PKHD1L1: variants seen among roughly 807,000 people sequenced by gnomAD.
PKHD1L1 encodes fibrocystin-L.
In PKHD1L1, 434 loss-of-function variants were observed where a neutral mutation model predicts 462.9. That is an observed-to-expected ratio of 0.94 (90% CI 0.87 to 1.02). The LOEUF (loss-of-function observed/expected upper bound fraction) is 1.02. Among genes scored for constraint, PKHD1L1 ranks in the 50% least tolerant of loss-of-function variants. The pLI, the probability that PKHD1L1 is intolerant of heterozygous loss-of-function variation, is 0.00. For synonymous variants in PKHD1L1, 1,781 were observed against 1,750.0 expected, an observed-to-expected ratio of 1.02 and a Z score of -0.44; for missense variants, 5,202 against 5,096.1, an observed-to-expected ratio of 1.02 and a Z score of -0.63.
chr8:109,379,526 T>TG (rs1812004565), intron 2 of PKHD1L1, among the ~76,000 whole-genome samples: 1 of 152,188 alleles, frequency 6.6e-6, no homozygotes. Context: ...AAACATCCTG[T>TG]GGGGTGGGAC....
chr8:109,516,905 A>C (rs937445268), intron 72 of PKHD1L1, among the ~76,000 whole-genome samples: 2 of 152,154 alleles, frequency 1.3e-5, no homozygotes, highest in Admixed American at 6.6e-5. Context: ...ATAGTGGAAT[A>C]AGGCACTTCG....
rs1322908736 is a variant in PKHD1L1, at chr8:109,531,358, C to G, written c.*1268C>G. Among the ~76,000 whole-genome samples the G allele has an allele frequency of 6.6e-6, 1 of 152,124 alleles. No homozygotes were observed. Among genetic ancestry groups the G allele is most frequent in the African/African-American group, 2.4e-5 (1 of 41,420 alleles). ...TACAAGAAATAAGATGCTATGCCTTCCCTCGAAGAGTTTTCAGGATATTTG... is the reference window on the plus strand; with the variant it reads ...TACAAGAAATAAGATGCTATGCCTTGCCTCGAAGAGTTTTCAGGATATTTG... On this transcript the variant is annotated 3_prime_UTR_variant, in exon 78 of 78. Coordinates refer to ENST00000378402, the MANE Select transcript of PKHD1L1 (RefSeq NM_177531.6).
intron 11 of PKHD1L1, among the ~76,000 whole-genome samples, chr8:109,397,558 C>T (rs1219111864): frequency 6.6e-6 from 1 of 152,046 alleles, no homozygotes; most frequent in Non-Finnish European, 1.5e-5. Flanking sequence ...GGCATAGTGG[C>T]ACATGCCCGT....
chr8:109,482,989 G>A lies in PKHD1L1; in HGVS notation c.9460G>A (p.Val3154Met). The A allele has an allele frequency of 2.5e-6, 4 of 1,582,954 alleles. No individual in the cohort carries two copies. Among genetic ancestry groups the A allele is most frequent in the East Asian group, 2.3e-5 (1 of 42,748 alleles). Residue 3154 changes from valine to methionine, a missense_variant and splice_region_variant, in exon 57 of 78, where the codon GTG (valine) becomes ATG (methionine). Val to Met is a conservative substitution (Grantham distance 21). This residue lies in a region of PKHD1L1 where 4,497 missense variants were observed against 4,336.8 expected (regional missense o/e 1.04). Transcript: ENST00000378402. Reference protein sequence around the residue: ...GPNQGAKVLGVFGELDLHGIP... With the variant: ...GPNQGAKVLGMFGELDLHGIP... Reference sequence around the variant, plus strand: ...AGGAGTGTGCTTTTCTTCTTTAGGGGTGTTTGGTGAGCTGGATCTTCATGG... The same window carrying A: ...AGGAGTGTGCTTTTCTTCTTTAGGGATGTTTGGTGAGCTGGATCTTCATGG...
At chr8:109,395,885 A>G in intron 10 of PKHD1L1, 142 bp from the exon 11 acceptor site, 1 of 583,052 alleles carries the variant, frequency 1.7e-6, no homozygotes, top group Non-Finnish European at 3.0e-6. Context: ...AGAGAAAGTA[A>G]TGAAACACCT....
chr8:109,400,976 A>G (rs1189564315), intron 13 of PKHD1L1, among the ~76,000 whole-genome samples: 1 of 152,082 alleles, frequency 6.6e-6, no homozygotes, highest in Admixed American at 6.6e-5. Flanking sequence ...TTAAATTGCT[A>G]TCTGTAATTT....
chr8:109,451,349 C>A (rs1460106923), intron 41 of PKHD1L1, among the ~76,000 whole-genome samples, 200 bp downstream of exon 41: 1 of 152,162 alleles, frequency 6.6e-6, no homozygotes, highest in Non-Finnish European at 1.5e-5. Context: ...CCTGCCTACC[C>A]ACGGAGAAGT....
Position 109,498,547 on chromosome 8 carries a change from C to T in PKHD1L1, c.10685C>T (p.Ala3562Val), listed in dbSNP as rs1229785098. The T allele has an allele frequency of 1.2e-6, 2 of 1,613,326 alleles. No individual in the cohort carries two copies. The highest frequency in any genetic ancestry group is 1.7e-6 in the Non-Finnish European group (2 of 1,179,396). Reference sequence around the variant, plus strand: ...GATCCTAATATTGAACTCACTGCTGCTCATCGGAGTCCTAGATCTCCATCA... The same window carrying T: ...GATCCTAATATTGAACTCACTGCTGTTCATCGGAGTCCTAGATCTCCATCA... ...NDDPNIELTA[A>V]HRSPRSPSGG... Residue 3562 changes from alanine to valine, a missense_variant, in exon 66 of 78, where the codon GCT becomes GTT. Physicochemically the swap from Ala to Val is moderately conservative, Grantham distance 64 (BLOSUM62 0). This residue lies in a region of PKHD1L1 where 4,497 missense variants were observed against 4,336.8 expected (regional missense o/e 1.04). Coordinates refer to ENST00000378402, the MANE Select transcript of PKHD1L1 (RefSeq NM_177531.6).
chr8:109,514,682 G>C (rs1820172566), intron 71 of PKHD1L1, among the ~76,000 whole-genome samples: 1 of 152,026 alleles, frequency 6.6e-6, no homozygotes, highest in South Asian at 2.1e-4. Context: ...TGAAATGTAA[G>C]CAATATAAAC....
chr8:109,479,713 A>G, intron 54 of PKHD1L1, 74 bp downstream of exon 54: 1 of 1,069,526 alleles, frequency 9.3e-7, no homozygotes, highest in South Asian at 1.6e-5. Flanking sequence ...TAGATGTCAC[A>G]GTTTTATCAG....
intron 18 of PKHD1L1, among the ~76,000 whole-genome samples, chr8:109,409,620 T>C (rs146011002): frequency 1.3e-5 from 2 of 152,354 alleles, no homozygotes; most frequent in East Asian, 1.9e-4. Flanking sequence ...TATAACTAAG[T>C]ATGCTATTAT....
chr8:109,386,566 A>G (rs936756499), intron 6 of PKHD1L1, among the ~76,000 whole-genome samples: 3 of 152,206 alleles, frequency 2.0e-5, no homozygotes, highest in Non-Finnish European at 2.9e-5. Context: ...AATTCTATAG[A>G]ATAGAACCTT....
chr8:109,405,383 A>G (rs1487210355), intron 16 of PKHD1L1, among the ~76,000 whole-genome samples: 2 of 152,156 alleles, frequency 1.3e-5, no homozygotes, highest in Non-Finnish European at 2.9e-5. Context: ...TGCACATGGA[A>G]TTTATATATT....
At chr8:109,512,114 G>T (rs1180938926) in intron 71 of PKHD1L1, among the ~76,000 whole-genome samples, 1 of 151,800 alleles carries the variant, frequency 6.6e-6, no homozygotes, top group Non-Finnish European at 1.5e-5. Flanking sequence ...CAGATGAGTA[G>T]GTCGCGAAAA....
chr8:109,368,695 C>T (rs935488396), intron 2 of PKHD1L1, among the ~76,000 whole-genome samples: 1 of 151,940 alleles, frequency 6.6e-6, no homozygotes, highest in Admixed American at 6.6e-5. Context: ...AGCCTGCATT[C>T]TTCATGACAA....
At chr8:109,395,258 A>T (rs554449525) in intron 10 of PKHD1L1, among the ~76,000 whole-genome samples, 12 of 152,240 alleles carry the variant, frequency 7.9e-5, no homozygotes, top group Admixed American at 1.3e-4. Context: ...CAAGACAATC[A>T]TAATTTAATT....
rs1480072958 is a variant in PKHD1L1 at position 109,535,922 on chromosome 8, T to C, written c.*5832T>C. Among the ~76,000 whole-genome samples the C allele has an allele frequency of 6.6e-6, 1 of 152,200 alleles. No homozygotes were observed. Among genetic ancestry groups the C allele is most frequent in the Admixed American group, 6.5e-5 (1 of 15,282 alleles). ...GCCTGGAGAGAGAGGGGAAGGATTG[T>C]AAGTGTCATAGTTCTGACAGCTGCT... On this transcript the variant is annotated 3_prime_UTR_variant, in exon 78 of 78. Transcript: ENST00000378402.
intron 24 of PKHD1L1, 108 bp downstream of exon 24, chr8:109,425,340 CA>C: frequency 1.5e-6 from 1 of 663,180 alleles, no homozygotes; most frequent in Non-Finnish European, 2.2e-6. Flanking sequence ...TTGATACATA[CA>C]AATATATTAA....
Position 109,396,254 on chromosome 8 carries a change from G to GTA in PKHD1L1, c.922+119_922+120dup, listed in dbSNP as rs2130512471. ...ACTCATGCCTTCAATTGGAAGCTGAGTATTTTCACATAGTCATTTGGTTCT... is the reference window on the plus strand; with the variant it reads ...ACTCATGCCTTCAATTGGAAGCTGAGTATATTTTCACATAGTCATTTGGTTCT... On this transcript the variant is annotated intron_variant, in intron 11 of 77. Transcript: ENST00000378402. 5.4e-6 allele frequency: 4 copies of GTA among 745,242 alleles called. No homozygotes were observed. In the South Asian group the frequency reaches 7.4e-5, roughly 14 times the overall value. 46.2% of individuals were successfully genotyped at this position (745,242 alleles called of 1,614,324 possible). A position where few individuals can be genotyped will look rare whatever the true frequency, so the allele number is the denominator to read the frequency against.
Sources: allele counts gnomAD v4.1 joint callset (sites outside exome capture counted in the v4.1 genomes callset), GRCh38; gene constraint gnomAD v4.1.1; regional missense constraint gnomAD v4.1.1; transcripts MANE v1.5; gene names NCBI Gene and HGNC (gene_info 2026-07-23, HGNC 2026-07-21).